The following PLA2R1 variants were observed in gnomAD, a reference collection of about 807,000 sequenced individuals.
The protein encoded by PLA2R1 is secretory phospholipase A2 receptor.
PLA2R1 carries 158 observed loss-of-function variants against 195.9 expected under a neutral mutation model. That is an observed-to-expected ratio of 0.81 (90% CI 0.71 to 0.92). The LOEUF is 0.92. PLA2R1 is among the 40% of genes least tolerant of loss of function. The pLI, the probability that PLA2R1 is intolerant of heterozygous loss-of-function variation, is 0.00. For missense variants in PLA2R1, 1,626 were observed against 1,764.6 expected (o/e 0.92, Z 1.41); for synonymous variants, 586 against 598.2 (o/e 0.98, Z 0.30).
intron 1 of PLA2R1, among the ~76,000 whole-genome samples, chr2:160,045,752 T>C (rs1237142023): frequency 2.6e-5 from 4 of 152,142 alleles, no homozygotes; most frequent in Non-Finnish European, 5.9e-5. Context: ...GACCTCTTGC[T>C]ATATGGGGAT....
Position 159,947,573 on chromosome 2 carries a change from C to G in PLA2R1, c.3710-14G>C. 1 of 1,611,614 alleles carries G rather than the reference C, an allele frequency of 6.2e-7. No homozygotes were observed. Among genetic ancestry groups the G allele is most frequent in the Non-Finnish European group, 8.5e-7 (1 of 1,178,712 alleles). ...ATTGTCTTGTTTCTGTGAAGAAAAG[C>G]CAGTTATGATTTCAGGGTGGTGACT... On this transcript the variant is annotated splice_polypyrimidine_tract_variant and intron_variant, in intron 25 of 29. Coordinates refer to ENST00000283243, the MANE Select transcript of PLA2R1 (RefSeq NM_007366.5).
At chr2:159,973,834 C>T (rs1033132372) in intron 17 of PLA2R1, among the ~76,000 whole-genome samples, 22 of 152,092 alleles carry the variant, frequency 1.4e-4, no homozygotes, top group Non-Finnish European at 7.4e-5. Context: ...TCTACATCAA[C>T]GTGGTCATAG....
intron 9 of PLA2R1, among the ~76,000 whole-genome samples, chr2:160,015,471 C>T (rs942890173): frequency 6.6e-6 from 1 of 152,158 alleles, no homozygotes; most frequent in East Asian, 1.9e-4. Context: ...ACTGGTAATG[C>T]TGGCTGGAAA....
chr2:160,023,620 G>GC (rs1693294979), intron 6 of PLA2R1, among the ~76,000 whole-genome samples: 1 of 152,216 alleles, frequency 6.6e-6, no homozygotes, highest in Non-Finnish European at 1.5e-5. Context: ...AGCAGCCCAA[G>GC]CTGCTGCTCT....
At chr2:159,970,286 G>T in intron 17 of PLA2R1, 74 bp from the exon 18 acceptor site, 1 of 947,046 alleles carries the variant, frequency 1.1e-6, no homozygotes, top group Non-Finnish European at 1.6e-6. Flanking sequence ...TGGGGTTGCT[G>T]CTAATAGCTT....
intron 11 of PLA2R1, among the ~76,000 whole-genome samples, chr2:160,004,636 A>G (rs1341551457): frequency 2.0e-5 from 3 of 152,346 alleles, no homozygotes; most frequent in Non-Finnish European, 4.4e-5. Context: ...CAAACTTAGT[A>G]ACTCTTTGCT....
chr2:159,995,656 C>A (rs149244561), intron 11 of PLA2R1, among the ~76,000 whole-genome samples: 1 of 151,956 alleles, frequency 6.6e-6, no homozygotes, highest in African/African-American at 2.4e-5. Flanking sequence ...TGGAAAGTCA[C>A]CAGTTTCCAT....
chr2:159,960,512 T>G (rs1688367727), intron 20 of PLA2R1, among the ~76,000 whole-genome samples: 2 of 152,214 alleles, frequency 1.3e-5, no homozygotes, highest in Non-Finnish European at 2.9e-5. Context: ...GAAAAAACTA[T>G]GTTATGCACA....
intron 20 of PLA2R1, among the ~76,000 whole-genome samples, chr2:159,962,025 T>G (rs560166737): frequency 4.1e-4 from 63 of 152,182 alleles, no homozygotes; most frequent in Non-Finnish European, 7.9e-4. Context: ...AAAGCCAAAA[T>G]AGACAAATGG....
In PLA2R1 at chr2:159,941,812, A is replaced by G. The variant is rs765117802; in HGVS notation, c.4358T>C (p.Ile1453Thr). The G allele has an allele frequency of 6.2e-7, 1 of 1,608,632 alleles. No homozygotes were observed. Among genetic ancestry groups the G allele is most frequent in the Non-Finnish European group, 8.5e-7 (1 of 1,175,162 alleles). ...NFSTVYLEEN[I>T]LISDLEKSDQ ...ACTCTTCTCAAGATCAGAAATGAGA[A>G]TATTTTCTTCTAAATATACTGTACT... Residue 1453 changes from isoleucine to threonine, a missense_variant, in exon 30 of 30, where the codon ATT (isoleucine) becomes ACT (threonine). Physicochemically the swap from Ile to Thr is moderately conservative, Grantham distance 89 (BLOSUM62 -1). Transcript: ENST00000283243.
rs1687021928 is a variant in PLA2R1, at chr2:159,940,111, C to T, written c.*1667G>A. The T allele has an allele frequency of 6.6e-6, 1 of 152,100 alleles. No individual in the cohort carries two copies. The highest frequency in any genetic ancestry group is 6.5e-5 in the Admixed American group (1 of 15,272). 9.4% of individuals were successfully genotyped at this position (152,100 alleles called of 1,614,324 possible). A position where few individuals can be genotyped will look rare whatever the true frequency, so the allele number is the denominator to read the frequency against. On this transcript the variant is annotated 3_prime_UTR_variant, in exon 30 of 30. Coordinates refer to ENST00000283243, the MANE Select transcript of PLA2R1 (RefSeq NM_007366.5). ...TATTTCTAATGATGATGGTTTGCCTCTTAGAAATTCATTCATACTTTCTCT... is the reference window on the plus strand; with the variant it reads ...TATTTCTAATGATGATGGTTTGCCTTTTAGAAATTCATTCATACTTTCTCT...
rs867095275 is a variant in PLA2R1 at position 159,934,714 on chromosome 2, C to G, written c.*7064G>C. On this transcript the variant is annotated 3_prime_UTR_variant, in exon 30 of 30. Transcript: ENST00000283243. ...TTATATTGAAATGATTTTAGGTTTA[C>G]AGAAAAATTGCCAACTTAGTCCAGA... 1 of 152,096 alleles carries G rather than the reference C, an allele frequency of 6.6e-6. No individual in the cohort carries two copies. Among genetic ancestry groups the G allele is most frequent in the Non-Finnish European group, 1.5e-5 (1 of 68,014 alleles). The allele number at this position is 152,096 out of a possible 1,614,324, so 9.4% of individuals were successfully genotyped here.
chr2:160,001,004 G>C (rs1270342151), intron 11 of PLA2R1, among the ~76,000 whole-genome samples: 1 of 152,070 alleles, frequency 6.6e-6, no homozygotes, highest in East Asian at 1.9e-4. Context: ...AAAATTTCCA[G>C]AGTTGTGTAA....
At chr2:160,007,434 C>G (rs1299413495) in intron 10 of PLA2R1, among the ~76,000 whole-genome samples, 2 of 152,208 alleles carry the variant, frequency 1.3e-5, no homozygotes, top group East Asian at 1.9e-4. Flanking sequence ...TGCCACACCC[C>G]CATCCTGTGC....
At chr2:160,032,488 T>G (rs919618721) in intron 4 of PLA2R1, among the ~76,000 whole-genome samples, 2 of 152,244 alleles carry the variant, frequency 1.3e-5, no homozygotes. Flanking sequence ...AACATATATG[T>G]GCTTTTGCTT....
chr2:159,960,665 G>C (rs1266915071), intron 20 of PLA2R1, among the ~76,000 whole-genome samples: 1 of 152,136 alleles, frequency 6.6e-6, no homozygotes, highest in Admixed American at 6.6e-5. Flanking sequence ...CCACAGATCT[G>C]CTGGGACAAG....
intron 14 of PLA2R1, 25 bp from the exon 15 acceptor site, chr2:159,977,441 C>G (rs774963922): frequency 6.2e-7 from 1 of 1,605,732 alleles, no homozygotes; most frequent in African/African-American, 1.3e-5. Context: ...GTTCATTATT[C>G]CTTAATGATG....
intron 6 of PLA2R1, among the ~76,000 whole-genome samples, chr2:160,026,825 T>C (rs1450173981): frequency 6.6e-6 from 1 of 152,192 alleles, no homozygotes; most frequent in Non-Finnish European, 1.5e-5. Flanking sequence ...AAAGCACTCA[T>C]GAAATCCTTT....
At chr2:160,037,136 C>T (rs1030755874) in intron 3 of PLA2R1, among the ~76,000 whole-genome samples, 2 of 152,198 alleles carry the variant, frequency 1.3e-5, no homozygotes, top group Non-Finnish European at 2.9e-5. Context: ...TAACTGAAGC[C>T]ACCACTACTC....
Sources: allele counts gnomAD v4.1 joint callset (sites outside exome capture counted in the v4.1 genomes callset), GRCh38; gene constraint gnomAD v4.1.1; transcripts MANE v1.5; gene names NCBI Gene and HGNC (gene_info 2026-07-23, HGNC 2026-07-21).